The following ZFX variants were observed in gnomAD, a reference collection of about 807,000 sequenced individuals.
The protein encoded by ZFX is zinc finger X-chromosomal protein.
For missense variants in ZFX, 362 were observed against 628.3 expected (o/e 0.58, Z 4.53); for synonymous variants, 196 against 226.8 (o/e 0.86, Z 1.22).
intron 9 of ZFX, among the ~76,000 whole-genome samples, chrX:24,209,459 T>C (rs1172097762): frequency 8.9e-6 from 1 of 112,744 alleles, no homozygotes; most frequent in East Asian, 2.7e-4. Flanking sequence ...GTATTAAAAA[T>C]TTTATGGGTA....
chrX:24,149,572 C>T (rs1424605576), upstream of ZFX: 1 of 111,008 alleles, frequency 9.0e-6, no homozygotes, highest in Non-Finnish European at 1.9e-5. Context: ...AGGAGGGGGC[C>T]TGTCTACCCT....
rs1048800964 is a variant in ZFX at position 24,213,570 on chromosome X, C to T, written c.*2194C>T. 9.0e-6 allele frequency: 1 copy of T among 111,054 alleles called. No individual in the cohort carries two copies. The highest frequency in any genetic ancestry group is 3.3e-5 in the African/African-American group (1 of 30,431). 9.2% of individuals were successfully genotyped at this position (111,054 alleles called of 1,213,427 possible). ...ATTTAGTCTAGTTTTAAACCAAGTGCTTTAGGCAGGTGTGAACTCCAGCCC... is the reference window on the plus strand; with the variant it reads ...ATTTAGTCTAGTTTTAAACCAAGTGTTTTAGGCAGGTGTGAACTCCAGCCC... On this transcript the variant is annotated 3_prime_UTR_variant, in exon 10 of 10. Transcript: ENST00000304543.
chrX:24,170,774 C>T (rs894832498), intron 3 of ZFX, among the ~76,000 whole-genome samples: 9 of 108,712 alleles, frequency 8.3e-5, no homozygotes, highest in Non-Finnish European at 1.3e-4. Context: ...CCATACCCTG[C>T]TAATTTTTTT....
At chrX:24,201,501 T>A (rs1204775452) in intron 5 of ZFX, among the ~76,000 whole-genome samples, 1 of 112,645 alleles carries the variant, frequency 8.9e-6, no homozygotes, top group African/African-American at 3.2e-5. Context: ...CACAAGGACA[T>A]TGGATTTTCC....
chrX:24,184,524 A>G (rs1168004231), intron 5 of ZFX, among the ~76,000 whole-genome samples: 1 of 111,031 alleles, frequency 9.0e-6, no homozygotes, highest in Admixed American at 9.6e-5. Context: ...TTTAGTAACA[A>G]TTTACTCAGC....
At chrX:24,159,445 TA>T (rs977305537) in intron 3 of ZFX, among the ~76,000 whole-genome samples, 1 of 112,222 alleles carries the variant, frequency 8.9e-6, no homozygotes, top group Non-Finnish European at 1.9e-5. Context: ...TTTTTTCTTT[TA>T]AACAGTTGCT....
chrX:24,209,240 G>T, intron 9 of ZFX, 200 bp downstream of exon 9: 1 of 618,951 alleles, frequency 1.6e-6, no homozygotes, highest in Non-Finnish European at 2.3e-6. Context: ...ACAGGACATG[G>T]CTGAAACATG....
chrX:24,201,767 A>G (rs1342194503), intron 5 of ZFX, among the ~76,000 whole-genome samples: 1 of 112,337 alleles, frequency 8.9e-6, no homozygotes, highest in Non-Finnish European at 1.9e-5. Context: ...CAGAAGTAAG[A>G]ACATTAATAT....
At chrX:24,155,719 A>G (rs1008154264) in intron 3 of ZFX, among the ~76,000 whole-genome samples, 26 of 112,339 alleles carry the variant, frequency 2.3e-4, no homozygotes, top group African/African-American at 8.4e-4. Flanking sequence ...TCTGTTGGGT[A>G]TAAATGGCAT....
chrX:24,184,273 G>A (rs978555333), intron 5 of ZFX, among the ~76,000 whole-genome samples: 1 of 111,501 alleles, frequency 9.0e-6, no homozygotes, highest in Non-Finnish European at 1.9e-5. Flanking sequence ...AGTTGAGTTC[G>A]TCCCAGTTTG....
rs1392485491 is a variant in ZFX at position 24,149,790 on chromosome X, G to T, written c.-254G>T. ...ACCGTCGCCGGCCGCCCGCACGTCC[G>T]TCCGGTGAGTCCCGGGTGCCGCCGC... is the stretch of plus-strand genomic sequence containing the variant. On this transcript the variant is annotated 5_prime_UTR_variant, in exon 1 of 10. Coordinates refer to ENST00000304543, the MANE Select transcript of ZFX (RefSeq NM_003410.4). The T allele has an allele frequency of 1.8e-5, 2 of 110,459 alleles. No homozygotes were observed. The highest frequency in any genetic ancestry group is 3.8e-5 in the Non-Finnish European group (2 of 52,234). The allele number at this position is 110,459 out of a possible 1,213,427, so 9.1% of individuals were successfully genotyped here.
At chrX:24,183,945 C>G (rs751218207) in intron 5 of ZFX, among the ~76,000 whole-genome samples, 1 of 109,375 alleles carries the variant, frequency 9.1e-6, no homozygotes, top group Non-Finnish European at 1.9e-5. Flanking sequence ...TTAGTAGAGA[C>G]GGGGTTTTGC....
chrX:24,175,215 A>T (rs1935015899), intron 4 of ZFX, among the ~76,000 whole-genome samples: 1 of 112,705 alleles, frequency 8.9e-6, no homozygotes, highest in Non-Finnish European at 1.9e-5. Context: ...TTGTTCACTT[A>T]ATCTTGCCAC....
chrX:24,198,629 T>C (rs1937085876), intron 5 of ZFX, among the ~76,000 whole-genome samples: 1 of 111,370 alleles, frequency 9.0e-6, no homozygotes, highest in South Asian at 3.7e-4. Flanking sequence ...TGGAATACAT[T>C]AGTGAACAAA....
intron 3 of ZFX, among the ~76,000 whole-genome samples, chrX:24,155,085 T>G (rs980526237): frequency 9.0e-6 from 1 of 110,611 alleles, no homozygotes; most frequent in African/African-American, 3.3e-5. Flanking sequence ...TGACAGAAGT[T>G]TACCCATGTG....
At chrX:24,196,208 G>A (rs1388537948) in intron 5 of ZFX, among the ~76,000 whole-genome samples, 1 of 110,922 alleles carries the variant, frequency 9.0e-6, no homozygotes, top group East Asian at 2.9e-4. Flanking sequence ...TGCCTCCCGG[G>A]TTCAGGCGAT....
intron 5 of ZFX, among the ~76,000 whole-genome samples, chrX:24,184,315 G>A (rs1935932479): frequency 9.0e-6 from 1 of 111,281 alleles, no homozygotes; most frequent in South Asian, 3.7e-4. Flanking sequence ...AAATACTGAA[G>A]AGGATAAAGC....
intron 3 of ZFX, among the ~76,000 whole-genome samples, chrX:24,154,877 A>T (rs1345464392): frequency 8.9e-6 from 1 of 112,067 alleles, no homozygotes; most frequent in Non-Finnish European, 1.9e-5. Context: ...TAGCAAACTA[A>T]CGCAGGAACA....
chrX:24,205,699 C>A (rs758961067), intron 5 of ZFX, among the ~76,000 whole-genome samples: 1 of 111,011 alleles, frequency 9.0e-6, no homozygotes, highest in Non-Finnish European at 1.9e-5. Flanking sequence ...ACTAAAAATA[C>A]AAAAATTAGC....
Sources: gnomAD v4.1 joint callset for allele counts (sites outside exome capture counted in the v4.1 genomes callset) on GRCh38, gnomAD v4.1.1 for gene constraint, MANE v1.5 for transcripts, NCBI Gene and HGNC (gene_info 2026-07-23, HGNC 2026-07-21) for gene names.